Variants in SLC9A1 observed in about 807,000 individuals in gnomAD.
SLC9A1 encodes solute carrier family 9 member A1.
In SLC9A1, 22 loss-of-function variants were observed where a neutral mutation model predicts 67.9. That is an observed-to-expected ratio of 0.32 (90% CI 0.23 to 0.46). SLC9A1 has a LOEUF of 0.46. Ranked by LOEUF, SLC9A1 falls within the 20% of genes least tolerant of loss-of-function variation. SLC9A1 has a pLI of 1.00. For missense variants in SLC9A1, 686 were observed against 1,094.8 expected (o/e 0.63, Z 5.27); for synonymous variants, 421 against 471.8 (o/e 0.89, Z 1.40).
chr1:27,100,044 G>A lies in SLC9A1; in HGVS notation c.*263C>T. Reference sequence around the variant, plus strand: ...CTAGTCCAGGTCCGGGAGAAGCCTGGATCTAGGGAGGGGCAGGGCCGGCCT... The same window carrying A: ...CTAGTCCAGGTCCGGGAGAAGCCTGAATCTAGGGAGGGGCAGGGCCGGCCT... On this transcript the variant is annotated 3_prime_UTR_variant, in exon 12 of 12. Transcript: ENST00000263980. This position sits in a 1 kb window ranked among gnomAD's most constrained non-coding sequence, Gnocchi z 5.6. The A allele has an allele frequency of 2.4e-6, 1 of 414,172 alleles. No individual in the cohort carries two copies. The highest frequency in any genetic ancestry group is 4.3e-6 in the Non-Finnish European group (1 of 234,094). 25.7% of individuals were successfully genotyped at this position (414,172 alleles called of 1,614,324 possible).
chr1:27,140,980 G>C (rs1383701512), intron 1 of SLC9A1, among the ~76,000 whole-genome samples: 3 of 152,094 alleles, frequency 2.0e-5, no homozygotes, highest in African/African-American at 7.2e-5. Flanking sequence ...GGACAAGCTG[G>C]GGGGATCACT....
chr1:27,101,220 C>T lies in SLC9A1; in HGVS notation c.2093G>A (p.Arg698Gln), dbSNP rs754250304. The T allele has an allele frequency of 1.2e-6, 2 of 1,611,510 alleles. No homozygotes were observed. Among genetic ancestry groups the T allele is most frequent in the South Asian group, 2.2e-5 (2 of 91,076 alleles). Reference protein sequence around the residue: ...AHKLDSPTMSRARIGSDPLAY... With the variant: ...AHKLDSPTMSQARIGSDPLAY... Reference sequence around the variant, plus strand: ...GCCCTTACCTGAGCCGATGCGGGCCCGAGACATGGTGGGTGAGTCCAGCTT... The same window carrying T: ...GCCCTTACCTGAGCCGATGCGGGCCTGAGACATGGTGGGTGAGTCCAGCTT... The change falls in exon 11 of 12, where the codon CGG (arginine) becomes CAG (glutamine). Residue 698 changes from arginine to glutamine, a missense_variant. By Grantham distance (43) the Arg-to-Gln change is conservative. Coordinates refer to ENST00000263980, the MANE Select transcript of SLC9A1 (RefSeq NM_003047.5). This position sits in a 1 kb window ranked among gnomAD's most constrained non-coding sequence, Gnocchi z 4.9.
At chr1:27,134,309 G>A (rs1266902551) in intron 1 of SLC9A1, among the ~76,000 whole-genome samples, 1 of 152,186 alleles carries the variant, frequency 6.6e-6, no homozygotes, top group Non-Finnish European at 1.5e-5. Flanking sequence ...ATAAGATGAT[G>A]GGGCTGGGTT....
Position 27,106,121 on chromosome 1 carries a change from G to C in SLC9A1, c.1283-34C>G. On this transcript the variant is annotated intron_variant, in intron 4 of 11. Coordinates refer to ENST00000263980, the MANE Select transcript of SLC9A1 (RefSeq NM_003047.5). The surrounding 1 kb of genome is among the most constrained non-coding windows in gnomAD (Gnocchi z 4.3). ...GAAGGCAGGGGGTGATGAGGGTCAG[G>C]TCGGGCTGTCCCCAGTCCCTCCTGG... is the stretch of plus-strand genomic sequence containing the variant. The C allele has an allele frequency of 1.4e-6, 2 of 1,437,766 alleles. No homozygotes were observed. Among genetic ancestry groups the C allele is most frequent in the Non-Finnish European group, 1.9e-6 (2 of 1,026,422 alleles). 89.1% of individuals were successfully genotyped at this position (1,437,766 alleles called of 1,614,324 possible).
At chr1:27,124,124 C>T (rs1338220909) in intron 1 of SLC9A1, among the ~76,000 whole-genome samples, 1 of 152,140 alleles carries the variant, frequency 6.6e-6, no homozygotes, top group Non-Finnish European at 1.5e-5. Flanking sequence ...AGACTGCTGT[C>T]AGGACTTACA....
chr1:27,120,837 C>T (rs1229597895), intron 1 of SLC9A1, among the ~76,000 whole-genome samples: 3 of 152,192 alleles, frequency 2.0e-5, no homozygotes, highest in Non-Finnish European at 2.9e-5. Flanking sequence ...CACACCCCCT[C>T]TCATTTCATC....
intron 2 of SLC9A1, among the ~76,000 whole-genome samples, chr1:27,110,105 TCA>T (rs1043304705): frequency 1.2e-4 from 19 of 152,208 alleles, no homozygotes; most frequent in African/African-American, 4.3e-4. Flanking sequence ...TCCCTGTGTT[TCA>T]GTTTTCCTGT....
chr1:27,126,425 C>A (rs773657481), intron 1 of SLC9A1, among the ~76,000 whole-genome samples: 1 of 152,202 alleles, frequency 6.6e-6, no homozygotes, highest in African/African-American at 2.4e-5. Flanking sequence ...GGGCGAACCA[C>A]AAGATGTTGT....
At chr1:27,136,674 C>T (rs531227583) in intron 1 of SLC9A1, among the ~76,000 whole-genome samples, 5 of 152,294 alleles carry the variant, frequency 3.3e-5, no homozygotes, top group African/African-American at 1.2e-4. Context: ...CGGCTACATC[C>T]TCTCCACTCT....
At position 27,100,416 on chromosome 1, in the gene SLC9A1, G is replaced by T. The variant is rs1342347127; in HGVS notation, c.2339C>A (p.Pro780His). The change falls in exon 12 of 12, where the codon CCC becomes CAC. Residue 780 changes from proline to histidine, a missense_variant. Pro to His is a moderately conservative substitution (Grantham distance 77). Transcript: ENST00000263980. The surrounding 1 kb of genome is among the most constrained non-coding windows in gnomAD (Gnocchi z 5.6). ...SSPGTDDVFT[P>H]APSDSPSSQR... is the part of the protein sequence containing the mutation. ...GGAGCTGGGGCTGTCACTGGGCGCG[G>T]GGGTGAAGACATCGTCGGTTCCTGG... 1.2e-6 allele frequency: 2 copies of T among 1,610,324 alleles called. No homozygotes were observed. Among genetic ancestry groups the T allele is most frequent in the Non-Finnish European group, 1.7e-6 (2 of 1,177,948 alleles).
At chr1:27,138,838 A>T (rs771073405) in intron 1 of SLC9A1, among the ~76,000 whole-genome samples, 15 of 152,082 alleles carry the variant, frequency 9.9e-5, no homozygotes, top group Non-Finnish European at 1.8e-4. Flanking sequence ...AAGCATTTGA[A>T]AGGTTTTCAG....
intron 8 of SLC9A1, 43 bp downstream of exon 8, chr1:27,102,342 C>A: frequency 1.3e-6 from 2 of 1,554,624 alleles, no homozygotes; most frequent in Non-Finnish European, 1.7e-6. Context: ...CTTGAGGGGC[C>A]GGTGTGTGGG....
intron 1 of SLC9A1, among the ~76,000 whole-genome samples, chr1:27,136,887 G>A (rs1309419901): frequency 6.6e-6 from 1 of 152,184 alleles, no homozygotes; most frequent in Non-Finnish European, 1.5e-5. Flanking sequence ...TCATGGTCAT[G>A]GCTCCTCCAG....
At chr1:27,147,317 A>G (rs867514495) in intron 1 of SLC9A1, among the ~76,000 whole-genome samples, 5 of 148,814 alleles carry the variant, frequency 3.4e-5, no homozygotes, top group Non-Finnish European at 5.9e-5. Flanking sequence ...AAAAAAAAAA[A>G]AAAAGAAAAG....
intron 1 of SLC9A1, among the ~76,000 whole-genome samples, chr1:27,148,903 C>G (rs1387402428): frequency 6.6e-6 from 1 of 152,144 alleles, no homozygotes; most frequent in African/African-American, 2.4e-5. Context: ...TAAAGGAGAC[C>G]ACCCTTTACC....
At chr1:27,147,580 A>G (rs12139597) in intron 1 of SLC9A1, among the ~76,000 whole-genome samples, 45,812 of 151,930 alleles carry the variant, frequency 0.3, 7,313 homozygotes, top group Non-Finnish European at 0.36. Flanking sequence ...AGGCGGGAGG[A>G]TCATTTGAGG....
chr1:27,119,745 T>A (rs1184391500), intron 1 of SLC9A1, among the ~76,000 whole-genome samples: 1 of 152,050 alleles, frequency 6.6e-6, no homozygotes, highest in African/African-American at 2.4e-5. Context: ...GGCTCCAGAG[T>A]CTGTGTTCTT....
chr1:27,135,128 C>T (rs1225639533), intron 1 of SLC9A1, among the ~76,000 whole-genome samples: 2 of 151,830 alleles, frequency 1.3e-5, no homozygotes, highest in African/African-American at 2.4e-5. Flanking sequence ...TGGCTCACTG[C>T]AGCCTCGACC....
intron 1 of SLC9A1, among the ~76,000 whole-genome samples, chr1:27,145,845 A>G (rs1194189010): frequency 6.6e-6 from 1 of 152,164 alleles, no homozygotes; most frequent in African/African-American, 2.4e-5. Flanking sequence ...TGTATATTAG[A>G]TGAGCTTTAG....
Sources: gnomAD v4.1 joint callset for allele counts (sites outside exome capture counted in the v4.1 genomes callset) on GRCh38, gnomAD v4.1.1 for gene constraint, Gnocchi (gnomAD v3.1) non-coding constraint, MANE v1.5 for transcripts, NCBI Gene and HGNC (gene_info 2026-07-23, HGNC 2026-07-21) for gene names.